Variants in ARMH4 observed in about 807,000 individuals in gnomAD.
The protein encoded by ARMH4 is armadillo-like helical domain-containing protein 4.
ARMH4 carries 49 observed loss-of-function variants against 61.9 expected under a neutral mutation model. That is an observed-to-expected ratio of 0.79 (90% CI 0.63 to 1.00). The LOEUF is 1.00. ARMH4 is among the 50% of genes least tolerant of loss of function. The pLI is 0.00. For synonymous variants in ARMH4, 368 were observed against 341.5 expected, an observed-to-expected ratio of 1.08 and a Z score of -0.85; for missense variants, 934 against 930.0, an observed-to-expected ratio of 1.00 and a Z score of -0.06.
chr14:58,020,237 G>C (rs546010920), intron 5 of ARMH4, among the ~76,000 whole-genome samples: 14 of 152,296 alleles, frequency 9.2e-5, no homozygotes, highest in South Asian at 6.2e-4. Flanking sequence ...ACTCTGGGGA[G>C]GGGTGAGGGC....
At chr14:58,061,782 T>C (rs944423355) in intron 5 of ARMH4, among the ~76,000 whole-genome samples, 1 of 152,050 alleles carries the variant, frequency 6.6e-6, no homozygotes, top group African/African-American at 2.4e-5. Context: ...CAAGTAAATG[T>C]CACCCCTTGG....
In ARMH4 at chr14:58,139,294, G is replaced by A. The variant is rs773993840; in HGVS notation, c.65C>T (p.Ala22Val). 6.2e-7 allele frequency: 1 copy of A among 1,614,148 alleles called. No homozygotes were observed. Among genetic ancestry groups the A allele is most frequent in the Admixed American group, 1.7e-5 (1 of 60,016 alleles). ...AFCSLLLFSV[A>V]TQCLAFPKIE... ...TTTGGGGAAGGCCAGACATTGTGTG[G>A]CAACGCTGAAAAGCAGAAGGCTACA... The change falls in exon 2 of 8, where the codon GCC becomes GTC. Residue 22 changes from alanine to valine, a missense_variant. Coordinates refer to ENST00000267485, the MANE Select transcript of ARMH4 (RefSeq NM_001001872.4).
intron 4 of ARMH4, among the ~76,000 whole-genome samples, chr14:58,118,238 G>C (rs576807174): frequency 9.9e-5 from 15 of 152,078 alleles, no homozygotes; most frequent in African/African-American, 3.4e-4. Context: ...TTATCATATG[G>C]GTGTATTTCT....
At position 58,081,262 on chromosome 14, in the gene ARMH4, G is replaced by A. The variant is rs77007364; in HGVS notation, c.2089+15462C>T. Among the ~76,000 whole-genome samples, 906 of 152,140 alleles carry A rather than the reference G, an allele frequency of 6.0e-3. 12 individuals are homozygous for A. The highest frequency in any genetic ancestry group is 0.02 in the African/African-American group (847 of 41,522). On this transcript the variant is annotated intron_variant, in intron 5 of 7. Transcript: ENST00000267485. ...TCTCTCCTGGCAGCCTTGAACAAAC[G>A]TAGCGTCTCAGGCCCCACCCAGACC...
intron 4 of ARMH4, among the ~76,000 whole-genome samples, chr14:58,126,406 T>A (rs762265035): frequency 6.6e-6 from 1 of 152,160 alleles, no homozygotes; most frequent in African/African-American, 2.4e-5. Flanking sequence ...GAAAGAGAGA[T>A]AACACCACTA....
At chr14:58,130,896 C>T (rs1002645154) in intron 4 of ARMH4, among the ~76,000 whole-genome samples, 12 of 152,192 alleles carry the variant, frequency 7.9e-5, no homozygotes, top group African/African-American at 2.9e-4. Flanking sequence ...ATTCTCAATC[C>T]AGCTTGAATA....
intron 5 of ARMH4, among the ~76,000 whole-genome samples, chr14:58,027,457 T>A (rs1396322967): frequency 2.0e-5 from 3 of 152,202 alleles, no homozygotes; most frequent in Non-Finnish European, 4.4e-5. Context: ...GGAGGACACC[T>A]CCCTTTAGGT....
At chr14:58,102,788 G>A (rs1451511118) in intron 4 of ARMH4, among the ~76,000 whole-genome samples, 5 of 138,948 alleles carry the variant, frequency 3.6e-5, no homozygotes, top group Admixed American at 1.5e-4. Context: ...TCCGCAGTCC[G>A]GCCTGGGCGA....
intron 5 of ARMH4, among the ~76,000 whole-genome samples, chr14:58,059,454 T>C (rs1316814911): frequency 6.6e-6 from 1 of 152,180 alleles, no homozygotes; most frequent in African/African-American, 2.4e-5. Context: ...TTCATCAGAG[T>C]GAGCTCTAAT....
intron 6 of ARMH4, among the ~76,000 whole-genome samples, chr14:58,008,977 T>C (rs1303761554): frequency 6.6e-6 from 1 of 152,202 alleles, no homozygotes; most frequent in Non-Finnish European, 1.5e-5. Flanking sequence ...TGAGAAGATA[T>C]ACTAATGGGT....
chr14:58,038,669 A>T (rs1469626500), intron 5 of ARMH4, among the ~76,000 whole-genome samples: 1 of 152,188 alleles, frequency 6.6e-6, no homozygotes, highest in Non-Finnish European at 1.5e-5. Context: ...AAAAAGATAT[A>T]GTGGCCGGTT....
chr14:58,066,534 T>C (rs898324459), intron 5 of ARMH4, among the ~76,000 whole-genome samples: 1 of 152,204 alleles, frequency 6.6e-6, no homozygotes, highest in East Asian at 1.9e-4. Context: ...CACTGAATTG[T>C]ACACTTTAAA....
intron 6 of ARMH4, among the ~76,000 whole-genome samples, chr14:58,007,980 G>T (rs947517910): frequency 3.9e-5 from 6 of 152,120 alleles, no homozygotes; most frequent in African/African-American, 1.2e-4. Flanking sequence ...GGAAATTAAA[G>T]AAACATGACA....
At chr14:58,016,503 TTTA>T (rs1438361253) in intron 5 of ARMH4, among the ~76,000 whole-genome samples, 1 of 152,174 alleles carries the variant, frequency 6.6e-6, no homozygotes, top group Non-Finnish European at 1.5e-5. Context: ...TGATTTGTCT[TTTA>T]TTCTCTGTAT....
chr14:58,091,358 T>C (rs956535268), intron 5 of ARMH4, among the ~76,000 whole-genome samples: 5 of 152,146 alleles, frequency 3.3e-5, no homozygotes, highest in African/African-American at 1.2e-4. Flanking sequence ...ACACCAAGGA[T>C]AGTAGTAGAG....
chr14:58,023,071 C>T (rs979698027), intron 5 of ARMH4, among the ~76,000 whole-genome samples: 1 of 152,200 alleles, frequency 6.6e-6, no homozygotes, highest in Non-Finnish European at 1.5e-5. Flanking sequence ...GGGTCTTCCT[C>T]AATGCTGATG....
At chr14:58,102,064 T>C (rs541456717) in intron 4 of ARMH4, among the ~76,000 whole-genome samples, 31 of 152,166 alleles carry the variant, frequency 2.0e-4, no homozygotes, top group Admixed American at 2.0e-3. Context: ...TGAAAATCAC[T>C]GGGAGCTCAC....
At chr14:58,146,061 C>A (rs1377874125) in intron 1 of ARMH4, among the ~76,000 whole-genome samples, 1 of 152,232 alleles carries the variant, frequency 6.6e-6, no homozygotes, top group East Asian at 1.9e-4. Context: ...TATTCCTAAA[C>A]CTAAATAACC....
chr14:58,073,133 G>A (rs1338854546), intron 5 of ARMH4, among the ~76,000 whole-genome samples: 3 of 152,012 alleles, frequency 2.0e-5, no homozygotes, highest in Non-Finnish European at 4.4e-5. Context: ...TTGGCTTCAT[G>A]AAATTCCCAC....
Sources: allele counts gnomAD v4.1 joint callset (sites outside exome capture counted in the v4.1 genomes callset), GRCh38; gene constraint gnomAD v4.1.1; transcripts MANE v1.5; gene names NCBI Gene and HGNC (gene_info 2026-07-23, HGNC 2026-07-21).